Variants in HSPG2 observed in about 807,000 individuals in gnomAD.
HSPG2 encodes the protein basement membrane-specific heparan sulfate proteoglycan core protein.
In HSPG2, 278 loss-of-function variants were observed where a neutral mutation model predicts 526.6. The observed-to-expected ratio is 0.53, with a 90% CI of 0.48 to 0.58. The LOEUF is 0.58. HSPG2 is among the 20% of genes least tolerant of loss of function. HSPG2 has a pLI of 0.00. For missense variants in HSPG2, 5,354 were observed against 6,099.5 expected (o/e 0.88, Z 4.07); for synonymous variants, 2,465 against 2,555.4 (o/e 0.96, Z 1.07).
At chr1:21,856,520 C>T (rs955005371) in intron 44 of HSPG2, among the ~76,000 whole-genome samples, 8 of 144,828 alleles carry the variant, frequency 5.5e-5, no homozygotes, top group Non-Finnish European at 1.2e-4. Flanking sequence ...CGGGTTCAAG[C>T]GATTCTCCTG....
chr1:21,910,339 G>C (rs1048969029), intron 1 of HSPG2, among the ~76,000 whole-genome samples: 2 of 152,190 alleles, frequency 1.3e-5, no homozygotes, highest in Admixed American at 6.5e-5. Flanking sequence ...TCCCCTGCCA[G>C]GCCCTGAGGC....
Position 21,842,987 on chromosome 1 carries a change from T to C in HSPG2, c.8759-66A>G, listed in dbSNP as rs974556464. The C allele has an allele frequency of 5.7e-6, 9 of 1,585,212 alleles. No individual in the cohort carries two copies. In the African/African-American group the frequency reaches 9.4e-5, roughly 17 times the overall value. On this transcript the variant is annotated intron_variant, in intron 66 of 96. Transcript: ENST00000374695. ...GGATCAAGGCAGGGGCTGAAGGTGG[T>C]GGCAGTGAAGACCAGCTCCAGTTGA...
At chr1:21,874,143 T>G in intron 28 of HSPG2, 132 bp from the exon 29 acceptor site, 1 of 843,694 alleles carries the variant, frequency 1.2e-6, no homozygotes, top group South Asian at 1.6e-5. Context: ...TGCCACTGCA[T>G]GCCTGGCACT....
At chr1:21,823,584 G>A in intron 96 of HSPG2, 32 bp downstream of exon 96, 1 of 1,609,374 alleles carries the variant, frequency 6.2e-7, no homozygotes, top group Non-Finnish European at 8.5e-7. Context: ...TGCCGTTCCT[G>A]CCCCTGCCCT....
intron 33 of HSPG2, chr1:21,870,847 C>T (rs557707723): frequency 1.6e-5 from 16 of 986,094 alleles, no homozygotes; most frequent in African/African-American, 5.2e-5. Flanking sequence ...GTGAGCCCGG[C>T]GCATCCGCGC....
At chr1:21,886,958 G>A (rs977734325) in intron 9 of HSPG2, among the ~76,000 whole-genome samples, 1 of 152,224 alleles carries the variant, frequency 6.6e-6, no homozygotes, top group African/African-American at 2.4e-5. Flanking sequence ...ACGAACCACA[G>A]GCAGGCTAAC....
chr1:21,868,966 G>A, intron 33 of HSPG2: 1 of 953,498 alleles, frequency 1.0e-6, no homozygotes, highest in Non-Finnish European at 1.2e-6. Context: ...AGGAGAGAGA[G>A]AACTAGGAGG....
rs973814516 is a variant in HSPG2 at position 21,890,053 on chromosome 1, C to T, written c.502G>A (p.Val168Ile). ...GAGGCCACAGAGCCGCTGGAGATGACCCTGAGCAGCATCTCCTGAATCTGA... is the reference window on the plus strand; with the variant it reads ...GAGGCCACAGAGCCGCTGGAGATGATCCTGAGCAGCATCTCCTGAATCTGA... ...GAQIQEMLLR[V>I]ISSGSVASYV... The change falls in exon 6 of 97, where the codon GTC (valine) becomes ATC (isoleucine). Residue 168 changes from valine (V) to isoleucine (I), a missense_variant. Physicochemically the swap from Val to Ile is conservative, Grantham distance 29 (BLOSUM62 3). Coordinates refer to ENST00000374695, the MANE Select transcript of HSPG2 (RefSeq NM_005529.7). This position sits in a 1 kb window ranked among gnomAD's most constrained non-coding sequence, Gnocchi z 4.1. The T allele has an allele frequency of 1.2e-6, 2 of 1,613,714 alleles. No homozygotes were observed. Among genetic ancestry groups the T allele is most frequent in the Non-Finnish European group, 1.7e-6 (2 of 1,179,766 alleles).
chr1:21,881,942 C>CAAA (rs10570430), intron 13 of HSPG2, among the ~76,000 whole-genome samples: 18 of 87,182 alleles, frequency 2.1e-4, no homozygotes, highest in South Asian at 4.2e-4. Context: ...GACTCTGTCT[C>CAAA]AAAAAAAAAA....
intron 91 of HSPG2, among the ~76,000 whole-genome samples, chr1:21,826,772 G>T (rs2097976963): frequency 6.6e-6 from 1 of 152,180 alleles, no homozygotes; most frequent in South Asian, 2.1e-4. Context: ...GCTTCCTAAA[G>T]TGCTGGGATT....
intron 3 of HSPG2, among the ~76,000 whole-genome samples, chr1:21,894,799 C>T (rs557195698): frequency 1.4e-3 from 214 of 152,294 alleles, no homozygotes; most frequent in African/African-American, 4.9e-3. Context: ...CATTCCAGGA[C>T]GGGACGTGCC....
rs1305885129 is a variant in HSPG2 at position 21,857,333 on chromosome 1, G to A, written c.5346C>T (p.Ser1782=). 10 of 1,613,946 alleles carry A rather than the reference G, an allele frequency of 6.2e-6. No homozygotes were observed. Among genetic ancestry groups the A allele is most frequent in the Admixed American group, 3.3e-5 (2 of 60,002 alleles). Residue 1782 remains serine (S), a synonymous_variant, in exon 43 of 97, where the codon AGC becomes AGT. Coordinates refer to ENST00000374695, the MANE Select transcript of HSPG2 (RefSeq NM_005529.7). The part of the protein sequence containing the change: ...TVTVEEQRSQ[S]VRPGADVTFI... ...AGGTGACGTCAGCTCCGGGGCGCACGCTCTGGCTCCGCTGCTCCTCCACAG... is the reference window on the plus strand; with the variant it reads ...AGGTGACGTCAGCTCCGGGGCGCACACTCTGGCTCCGCTGCTCCTCCACAG...
At chr1:21,900,953 G>A (rs1357770084) in intron 1 of HSPG2, among the ~76,000 whole-genome samples, 1 of 152,136 alleles carries the variant, frequency 6.6e-6, no homozygotes, top group East Asian at 1.9e-4. Context: ...GCTATTCAGA[G>A]TGTGTTCACT....
At chr1:21,830,746 G>T (rs550800720) in intron 85 of HSPG2, 1 of 548,018 alleles carries the variant, frequency 1.8e-6, no homozygotes. Flanking sequence ...CCTGGGTGGC[G>T]GGGTAGTGGT....
At chr1:21,875,287 A>G (rs983208486) in intron 25 of HSPG2, 2 of 595,968 alleles carry the variant, frequency 3.4e-6, no homozygotes, top group Admixed American at 2.9e-5. Context: ...CGGGCCTGAA[A>G]GAACGATCAC....
rs893142449 is a variant in HSPG2, at chr1:21,824,247, C to T, written c.12816-43G>A. 6.2e-6 allele frequency: 10 copies of T among 1,612,682 alleles called. No individual in the cohort carries two copies. The highest frequency in any genetic ancestry group is 1.7e-5 in the Admixed American group (1 of 59,958). ...CAAGAAGTATGAGCTGGGGCAGGAC[C>T]GGGGGGTGGGGTGCTGGGACCAGGG... On this transcript the variant is annotated intron_variant, in intron 94 of 96. Coordinates refer to ENST00000374695, the MANE Select transcript of HSPG2 (RefSeq NM_005529.7). The surrounding 1 kb of genome is among the most constrained non-coding windows in gnomAD (Gnocchi z 5.9).
At chr1:21,923,389 G>C (rs1204628775) in intron 1 of HSPG2, among the ~76,000 whole-genome samples, 1 of 151,270 alleles carries the variant, frequency 6.6e-6, no homozygotes, top group African/African-American at 2.4e-5. Flanking sequence ...CTGGGCGACA[G>C]AGCAAGACTC....
chr1:21,827,370 C>A (rs559973651), intron 91 of HSPG2, among the ~76,000 whole-genome samples: 2 of 152,174 alleles, frequency 1.3e-5, no homozygotes, highest in Admixed American at 6.5e-5. Context: ...TGAACCCAAG[C>A]AGGCTGGCTC....
intron 30 of HSPG2, 71 bp from the exon 31 acceptor site, chr1:21,873,162 TC>T (rs1640788853): frequency 7.4e-7 from 1 of 1,351,946 alleles, no homozygotes; most frequent in Admixed American, 1.7e-5. Flanking sequence ...TCCACTCTGC[TC>T]ACCACTGAGC....
Sources: allele counts gnomAD v4.1 joint callset (sites outside exome capture counted in the v4.1 genomes callset), GRCh38; gene constraint gnomAD v4.1.1; non-coding constraint Gnocchi (gnomAD v3.1); transcripts MANE v1.5; gene names NCBI Gene and HGNC (gene_info 2026-07-23, HGNC 2026-07-21).